The following SKIL variants were observed in gnomAD, a reference collection of about 807,000 sequenced individuals.
The protein encoded by SKIL is ski-like protein.
SKIL carries 20 observed loss-of-function variants against 69.6 expected under a neutral mutation model. That is an observed-to-expected ratio of 0.29 (90% CI 0.20 to 0.42). SKIL has a LOEUF of 0.42. SKIL is among the 10% of genes least tolerant of loss of function. The probability of loss-of-function intolerance (pLI) is 1.00; values close to 1 mark genes in which losing one functional copy is unlikely to be tolerated. For synonymous variants in SKIL, 310 were observed against 279.9 expected, an observed-to-expected ratio of 1.11 and a Z score of -1.08; for missense variants, 745 against 783.1, an observed-to-expected ratio of 0.95 and a Z score of 0.58.
Position 170,395,542 on chromosome 3 carries a change from T to C in SKIL, c.*3125T>C, listed in dbSNP as rs1245521642. The stretch of plus-strand genomic sequence containing the variant: ...AGAAGTCCTGACAGAACAACCAGTT[T>C]ATTTGCACATAGGTAGCTTCTGTTT... On this transcript the variant is annotated 3_prime_UTR_variant, in exon 7 of 7. Transcript: ENST00000259119. The C allele has an allele frequency of 6.6e-6, 1 of 152,102 alleles. No homozygotes were observed. Among genetic ancestry groups the C allele is most frequent in the African/African-American group, 2.4e-5 (1 of 41,444 alleles). 9.4% of individuals were successfully genotyped at this position (152,102 alleles called of 1,614,324 possible).
chr3:170,368,066 G>A (rs1467405183), intron 2 of SKIL, among the ~76,000 whole-genome samples: 1 of 152,106 alleles, frequency 6.6e-6, no homozygotes, highest in East Asian at 1.9e-4. Context: ...CAGCGTATTT[G>A]TCAGTATAAA....
intron 2 of SKIL, among the ~76,000 whole-genome samples, chr3:170,372,033 A>T (rs1163834571): frequency 6.6e-6 from 1 of 152,252 alleles, no homozygotes; most frequent in Non-Finnish European, 1.5e-5. Flanking sequence ...CCTTAGAATT[A>T]TACAGATTAA....
intron 2 of SKIL, 103 bp downstream of exon 2, chr3:170,361,532 G>A (rs1047439223): frequency 2.3e-6 from 2 of 882,118 alleles, no homozygotes; most frequent in African/African-American, 3.4e-5. Context: ...CATTGCTCAT[G>A]CAACAACAAC....
At chr3:170,390,560 C>T (rs1737863416) in intron 5 of SKIL, 96 bp downstream of exon 5, 2 of 917,406 alleles carry the variant, frequency 2.2e-6, no homozygotes, top group African/African-American at 1.7e-5. Flanking sequence ...AGTCTCAGCT[C>T]ACTGAAACCT....
At chr3:170,375,260 T>G (rs1736977787) in intron 2 of SKIL, among the ~76,000 whole-genome samples, 1 of 152,064 alleles carries the variant, frequency 6.6e-6, no homozygotes, top group Admixed American at 6.6e-5. Context: ...GGAAATAAAA[T>G]AAAGAATAGG....
chr3:170,367,471 T>G (rs1736592907), intron 2 of SKIL, among the ~76,000 whole-genome samples: 1 of 59,392 alleles, frequency 1.7e-5, no homozygotes, highest in South Asian at 4.7e-4. Context: ...CCCTTTTTTT[T>G]TTTTTTTAAA....
chr3:170,363,942 AATTAGGT>A (rs1736366122), intron 2 of SKIL, among the ~76,000 whole-genome samples: 1 of 151,904 alleles, frequency 6.6e-6, no homozygotes, highest in South Asian at 2.1e-4. Context: ...CCCCCAAGCT[AATTAGGT>A]GCTGTACTTT....
intron 5 of SKIL, 88 bp downstream of exon 5, chr3:170,390,552 T>G: frequency 9.7e-7 from 1 of 1,033,436 alleles, no homozygotes. Context: ...AGTGGCGCAG[T>G]CTCAGCTCAC....
At position 170,395,296 on chromosome 3, in the gene SKIL, T is replaced by C. The variant is rs1408207641; in HGVS notation, c.*2879T>C. On this transcript the variant is annotated 3_prime_UTR_variant, in exon 7 of 7. Transcript: ENST00000259119. ...CACTATGAAAAGATTTGACCAACAA[T>C]TTACGTTTGCTGTGTGCTTTAGTTT... 6.6e-6 allele frequency: 1 copy of C among 152,140 alleles called. No individual in the cohort carries two copies. The highest frequency in any genetic ancestry group is 1.5e-5 in the Non-Finnish European group (1 of 67,960). The allele number at this position is 152,140 out of a possible 1,614,324, so 9.4% of individuals were successfully genotyped here.
chr3:170,384,824 C>A, intron 4 of SKIL, 59 bp downstream of exon 4: 1 of 875,536 alleles, frequency 1.1e-6, no homozygotes, highest in Non-Finnish European at 1.7e-6. Context: ...ATTTATTGAG[C>A]ATTTTCAAAC....
At chr3:170,373,211 G>A (rs1274677965) in intron 2 of SKIL, among the ~76,000 whole-genome samples, 1 of 152,060 alleles carries the variant, frequency 6.6e-6, no homozygotes, top group East Asian at 1.9e-4. Flanking sequence ...ATGTCGCCCA[G>A]GCTGGAGTAC....
chr3:170,377,218 A>G (rs1737071670), intron 2 of SKIL, among the ~76,000 whole-genome samples: 1 of 151,968 alleles, frequency 6.6e-6, no homozygotes, highest in South Asian at 2.1e-4. Context: ...ATTAGTTCAA[A>G]ATGTGATGTT....
At chr3:170,366,175 A>G (rs1400107584) in intron 2 of SKIL, among the ~76,000 whole-genome samples, 1 of 151,394 alleles carries the variant, frequency 6.6e-6, no homozygotes, top group Non-Finnish European at 1.5e-5. Context: ...TAATCAAAGT[A>G]TTGCTTTTGG....
At chr3:170,376,920 A>G (rs192480781) in intron 2 of SKIL, among the ~76,000 whole-genome samples, 1 of 152,216 alleles carries the variant, frequency 6.6e-6, no homozygotes, top group East Asian at 1.9e-4. Flanking sequence ...ACTTTGTTGA[A>G]TTGGGGTAGG....
At chr3:170,366,189 A>T (rs1209599430) in intron 2 of SKIL, among the ~76,000 whole-genome samples, 2 of 151,934 alleles carry the variant, frequency 1.3e-5, no homozygotes, top group Non-Finnish European at 2.9e-5. Flanking sequence ...CTTTTGGATT[A>T]AAAAAAGTCC....
At chr3:170,373,903 A>G (rs1326498983) in intron 2 of SKIL, among the ~76,000 whole-genome samples, 1 of 152,196 alleles carries the variant, frequency 6.6e-6, no homozygotes, top group Non-Finnish European at 1.5e-5. Flanking sequence ...ATGTCTAAGA[A>G]TTTTAAAGGG....
At chr3:170,385,980 C>T (rs1436257882) in intron 4 of SKIL, among the ~76,000 whole-genome samples, 4 of 151,300 alleles carry the variant, frequency 2.6e-5, no homozygotes, top group East Asian at 1.9e-4. Context: ...TTAGTAGAGA[C>T]GGGTTTTCTC....
At chr3:170,382,780 A>G (rs1737427549) in intron 3 of SKIL, among the ~76,000 whole-genome samples, 1 of 139,686 alleles carries the variant, frequency 7.2e-6, no homozygotes, top group African/African-American at 2.7e-5. Context: ...GTGCAATGGT[A>G]TGATCTCGGC....
Position 170,387,034 on chromosome 3 carries a change from T to C in SKIL, c.1429+2269T>C, listed in dbSNP as rs560357396. On this transcript the variant is annotated intron_variant, in intron 4 of 6. Coordinates refer to ENST00000259119, the MANE Select transcript of SKIL (RefSeq NM_005414.5). ...ATGTTTTCTTTTCTTTCTTTTTTTTTAAGATGGAGTTTCACTCTTGTCGCC... is the reference window on the plus strand; with the variant it reads ...ATGTTTTCTTTTCTTTCTTTTTTTTCAAGATGGAGTTTCACTCTTGTCGCC... Among the ~76,000 whole-genome samples the C allele has an allele frequency of 1.7e-3, 266 of 152,228 alleles. 1 individual carries two copies. The highest frequency in any genetic ancestry group is 5.8e-3 in the African/African-American group (241 of 41,534).
Sources: gnomAD v4.1 joint callset for allele counts (sites outside exome capture counted in the v4.1 genomes callset) on GRCh38, gnomAD v4.1.1 for gene constraint, MANE v1.5 for transcripts, NCBI Gene and HGNC (gene_info 2026-07-23, HGNC 2026-07-21) for gene names.